Variants in DOT1L observed in about 807,000 individuals in gnomAD.
DOT1L encodes the protein histone-lysine N-methyltransferase, H3 lysine-79 specific.
DOT1L carries 33 observed loss-of-function variants against 153.3 expected under a neutral mutation model. The observed-to-expected ratio is 0.22, with a 90% CI of 0.16 to 0.29. The LOEUF (loss-of-function observed/expected upper bound fraction) is 0.29. DOT1L is among the 10% of genes least tolerant of loss of function. The probability of loss-of-function intolerance (pLI) is 1.00; values close to 1 mark genes in which losing one functional copy is unlikely to be tolerated. For synonymous variants in DOT1L, 1,135 were observed against 965.1 expected, an observed-to-expected ratio of 1.18 and a Z score of -3.26; for missense variants, 1,847 against 2,119.9, an observed-to-expected ratio of 0.87 and a Z score of 2.53.
At chr19:2,185,763 C>T (rs1321164505) in intron 2 of DOT1L, 92 bp from the exon 3 acceptor site, 39 of 1,362,300 alleles carry the variant, frequency 2.9e-5, no homozygotes, top group African/African-American at 4.3e-5. Flanking sequence ...AGTGAGACTC[C>T]GTCTCAAAAC....
Position 2,216,539 on chromosome 19 carries a change from C to T in DOT1L, c.2182C>T (p.Arg728Trp), listed in dbSNP as rs764247493. 38 of 1,611,042 alleles carry T rather than the reference C, an allele frequency of 2.4e-5. No individual in the cohort carries two copies. Among genetic ancestry groups the T allele is most frequent in the African/African-American group, 2.7e-5 (2 of 74,918 alleles). ...CTATGAGCTCTGCGGTGTGCTGAGC[C>T]GGCCTTCGTCGAAGCAGAACACGCC... is the stretch of plus-strand genomic sequence containing the variant. Reference protein sequence around the residue: ...AGYELCGVLSRPSSKQNTPQY... With the variant: ...AGYELCGVLSWPSSKQNTPQY... The change falls in exon 20 of 28, where the codon CGG becomes TGG. Residue 728 changes from arginine to tryptophan, a missense_variant. Around this residue, in one of 8 missense-constraint regions of DOT1L, gnomAD observed 281 missense variants for 263.6 expected, o/e 1.07. Transcript: ENST00000398665.
intron 27 of DOT1L, chr19:2,228,314 T>C (rs770163346): frequency 7.4e-7 from 1 of 1,342,656 alleles, no homozygotes; most frequent in Non-Finnish European, 9.9e-7. Flanking sequence ...CGCCTCCCTA[T>C]GCCGCGCACC....
rs572424700 is a variant in DOT1L, at chr19:2,193,885, G to C, written c.588+102G>C. The C allele has an allele frequency of 7.1e-5, 90 of 1,266,982 alleles. No individual in the cohort carries two copies. The highest frequency in any genetic ancestry group is 9.6e-5 in the Non-Finnish European group (87 of 909,820). 78.5% of individuals were successfully genotyped at this position (1,266,982 alleles called of 1,614,324 possible). A position where few individuals can be genotyped will look rare whatever the true frequency, so the allele number is the denominator to read the frequency against. ...CCACTGCTGTGGGACTTCCGAGTCT[G>C]GGTGGCGTTCTTTCCAGGCCCAAGA... On this transcript the variant is annotated intron_variant, in intron 6 of 27. Coordinates refer to ENST00000398665, the MANE Select transcript of DOT1L (RefSeq NM_032482.3). The surrounding 1 kb of genome is among the most constrained non-coding windows in gnomAD (Gnocchi z 5.9).
Position 2,207,141 on chromosome 19 carries a change from C to A in DOT1L, c.856+344C>A, listed in dbSNP as rs1233764278. Among the ~76,000 whole-genome samples the A allele has an allele frequency of 6.6e-6, 1 of 152,176 alleles. No individual in the cohort carries two copies. Among genetic ancestry groups the A allele is most frequent in the African/African-American group, 2.4e-5 (1 of 41,446 alleles). ...AGGCCCACGGTGGGAAGGAGCCGGC[C>A]CCTCCCATGCCCCCTGCCTGCCTTA... is the stretch of plus-strand genomic sequence containing the variant. On this transcript the variant is annotated intron_variant, in intron 10 of 27. Coordinates refer to ENST00000398665, the MANE Select transcript of DOT1L (RefSeq NM_032482.3). This position sits in a 1 kb window ranked among gnomAD's most constrained non-coding sequence, Gnocchi z 4.5.
At chr19:2,210,599 G>A (rs769251501) in intron 13 of DOT1L, 22 bp from the exon 14 acceptor site, 1 of 1,608,870 alleles carries the variant, frequency 6.2e-7, no homozygotes, top group Admixed American at 1.7e-5. Flanking sequence ...GCCCATCCCT[G>A]TTCTTCCCTT....
At chr19:2,229,547 C>T (rs1240022579) in intron 27 of DOT1L, 4 of 985,346 alleles carry the variant, frequency 4.1e-6, no homozygotes, top group Admixed American at 6.1e-5. Context: ...CTGTGTGTCT[C>T]CTTTGGAGGA....
At chr19:2,164,679 C>G (rs189214036) in intron 1 of DOT1L, among the ~76,000 whole-genome samples, 1 of 150,608 alleles carries the variant, frequency 6.6e-6, no homozygotes, top group Admixed American at 6.6e-5. Context: ...CTCCTCTTCT[C>G]TTCTTTTTAA....
At chr19:2,195,913 A>T (rs113673275) in intron 7 of DOT1L, among the ~76,000 whole-genome samples, 11 of 152,314 alleles carry the variant, frequency 7.2e-5, no homozygotes, top group African/African-American at 2.6e-4. Flanking sequence ...CACAGGTGGC[A>T]TACAGTTCCA....
chr19:2,227,519 CG>C (rs908204521), intron 27 of DOT1L: 15 of 528,334 alleles, frequency 2.8e-5, no homozygotes, highest in African/African-American at 2.6e-4. Context: ...GAGGAGCCGC[CG>C]GGGGGAGCGG....
intron 18 of DOT1L, 54 bp downstream of exon 18, chr19:2,214,040 G>T (rs2023813094): frequency 6.3e-7 from 1 of 1,578,566 alleles, no homozygotes; most frequent in East Asian, 2.3e-5. Flanking sequence ...CCCTGCCTGG[G>T]CGGGTGTGTC....
In DOT1L at chr19:2,217,099, C is replaced by A; in HGVS notation, c.2544+9C>A. On this transcript the variant is annotated intron_variant, in intron 21 of 27. Coordinates refer to ENST00000398665, the MANE Select transcript of DOT1L (RefSeq NM_032482.3). This position sits in a 1 kb window ranked among gnomAD's most constrained non-coding sequence, Gnocchi z 7.3. ...AGAAGAGCAGTGAGAAGGTGCGGGCCGCGACCCCTGCCCCGGGCTCAGGGA... is the reference window on the plus strand; with the variant it reads ...AGAAGAGCAGTGAGAAGGTGCGGGCAGCGACCCCTGCCCCGGGCTCAGGGA... 6.3e-7 allele frequency: 1 copy of A among 1,584,952 alleles called. No homozygotes were observed. Among genetic ancestry groups the A allele is most frequent in the East Asian group, 2.3e-5 (1 of 44,260 alleles).
intron 1 of DOT1L, among the ~76,000 whole-genome samples, chr19:2,176,298 G>A (rs543648623): frequency 4.6e-4 from 70 of 152,298 alleles, no homozygotes; most frequent in African/African-American, 1.6e-3. Context: ...GACAGGGGCA[G>A]TAACTCGGGG....
chr19:2,178,518 C>T (rs57119624), intron 1 of DOT1L, among the ~76,000 whole-genome samples: 3 of 150,678 alleles, frequency 2.0e-5, no homozygotes, highest in Middle Eastern at 3.4e-3. Flanking sequence ...CCCGGGTTCA[C>T]GCCATTCTCC....
At chr19:2,166,516 A>AT (rs35424757) in intron 1 of DOT1L, among the ~76,000 whole-genome samples, 42,554 of 151,814 alleles carry the variant, frequency 0.28, 7,344 homozygotes, top group Non-Finnish European at 0.4. Context: ...GGTTCAAGCG[A>AT]TTCTCCTGCC....
At position 2,222,732 on chromosome 19, in the gene DOT1L, C is replaced by T. The variant is rs1026340125; in HGVS notation, c.3390+173C>T. The T allele has an allele frequency of 9.0e-6, 6 of 663,782 alleles. No individual in the cohort carries two copies. Among genetic ancestry groups the T allele is most frequent in the African/African-American group, 3.7e-5 (2 of 54,736 alleles). 41.1% of individuals were successfully genotyped at this position (663,782 alleles called of 1,614,324 possible). On this transcript the variant is annotated intron_variant, in intron 24 of 27. Transcript: ENST00000398665. The surrounding 1 kb of genome is among the most constrained non-coding windows in gnomAD (Gnocchi z 6.5). Reference sequence around the variant, plus strand: ...TGGCTAACACGGTGAAACCCCGTCTCTACCAAAAATACAAAAGATTAGCCG... The same window carrying T: ...TGGCTAACACGGTGAAACCCCGTCTTTACCAAAAATACAAAAGATTAGCCG...
At chr19:2,228,392 G>A (rs1289499710) in intron 27 of DOT1L, 1 of 1,273,528 alleles carries the variant, frequency 7.9e-7, no homozygotes, top group South Asian at 1.3e-5. Context: ...GGTAAGGCCA[G>A]AGCCCTGCGC....
chr19:2,184,609 CCTG>C (rs960552453), intron 2 of DOT1L, among the ~76,000 whole-genome samples: 5 of 152,180 alleles, frequency 3.3e-5, no homozygotes, highest in African/African-American at 1.2e-4. Flanking sequence ...GGAAGGTGGG[CCTG>C]CTGCTGTCAC....
intron 9 of DOT1L, among the ~76,000 whole-genome samples, chr19:2,203,928 C>A (rs1313166838): frequency 6.6e-6 from 1 of 152,238 alleles, no homozygotes; most frequent in Non-Finnish European, 1.5e-5. Flanking sequence ...GGGGGTACCC[C>A]CTCTTCCTCC....
At chr19:2,214,748 C>T in intron 19 of DOT1L, 152 bp downstream of exon 19, 1 of 1,221,406 alleles carries the variant, frequency 8.2e-7, no homozygotes, top group Non-Finnish European at 1.1e-6. Context: ...AACCTTCTGT[C>T]TTGGGCCGCA....
Sources: allele counts gnomAD v4.1 joint callset (sites outside exome capture counted in the v4.1 genomes callset), GRCh38; gene constraint gnomAD v4.1.1; regional missense constraint gnomAD v4.1.1; non-coding constraint Gnocchi (gnomAD v3.1); transcripts MANE v1.5; gene names NCBI Gene and HGNC (gene_info 2026-07-23, HGNC 2026-07-21).